ZAN: variants seen among roughly 807,000 people sequenced by gnomAD.
ZAN encodes the protein zonadhesin, also known as zonadhesin (gene/pseudogene).
A neutral mutation model predicts 286.2 loss-of-function variants in ZAN; 260 were observed. The observed-to-expected ratio is 0.91, with a 90% CI of 0.82 to 1.01. The LOEUF (loss-of-function observed/expected upper bound fraction) is 1.01. Ranked by LOEUF, ZAN falls within the 50% of genes least tolerant of loss-of-function variation. The probability of loss-of-function intolerance (pLI) is 0.00; values close to 1 mark genes in which losing one functional copy is unlikely to be tolerated. For missense variants in ZAN, 3,410 were observed against 3,639.2 expected, an observed-to-expected ratio of 0.94 and a Z score of 1.62; for synonymous variants, 1,368 against 1,417.5, an observed-to-expected ratio of 0.97 and a Z score of 0.79.
chr7:100,746,526 T>G lies in ZAN; in HGVS notation c.767-12T>G. 1 of 1,613,700 alleles carries G rather than the reference T, an allele frequency of 6.2e-7. No individual in the cohort carries two copies. Among genetic ancestry groups the G allele is most frequent in the Non-Finnish European group, 8.5e-7 (1 of 1,179,744 alleles). ...TCCATCCACCCCAGTTCCCTGGCCT[T>G]TTGCTTCACAGGTGGCTGCTACATG... On this transcript the variant is annotated splice_polypyrimidine_tract_variant and intron_variant, in intron 7 of 47. Transcript: ENST00000613979.
rs906771454 is a variant in ZAN at position 100,744,292 on chromosome 7, AAACTTT to A, written c.767-2245_767-2240del. On this transcript the variant is annotated intron_variant, in intron 7 of 47. Transcript: ENST00000613979. The stretch of plus-strand genomic sequence containing the variant: ...CTGTCTCTGATCTTTCCTGCTGCCT[AAACTTT>A]GTTTTCTAGAAGGGCCCTGGCCAGG... Among the ~76,000 whole-genome samples the A allele has an allele frequency of 2.2e-4, 33 of 150,788 alleles. 1 individual carries two copies. Among genetic ancestry groups the A allele is most frequent in the African/African-American group, 6.9e-4 (28 of 40,818 alleles).
intron 7 of ZAN, 25 bp from the exon 8 acceptor site, chr7:100,746,513 A>C (rs540138342): frequency 9.3e-6 from 15 of 1,612,892 alleles, no homozygotes; most frequent in African/African-American, 5.3e-5. Context: ...CATCCACCCC[A>C]GTTCCCTGGC....
intron 31 of ZAN, 49 bp from the exon 32 acceptor site, chr7:100,775,279 G>A: frequency 6.3e-7 from 1 of 1,593,262 alleles, no homozygotes; most frequent in South Asian, 1.1e-5. Context: ...CAGGGACCCT[G>A]TACCTGCCAG....
rs1809775453 is a variant in ZAN, at chr7:100,764,026, G to C, written c.4098-1G>C. 1 of 1,613,756 alleles carries C rather than the reference G, an allele frequency of 6.2e-7. No individual in the cohort carries two copies. Among genetic ancestry groups the C allele is most frequent in the Non-Finnish European group, 8.5e-7 (1 of 1,179,858 alleles). On this transcript the variant is annotated splice_acceptor_variant, in intron 21 of 47. Transcript: ENST00000613979. LOFTEE classifies it high-confidence loss of function. The stretch of plus-strand genomic sequence containing the variant: ...CCCCCTGACTTGGTCACTCCCCTCA[G>C]GACATGCCTGCTGCACGTGAAGGCC...
chr7:100,794,073 C>T (rs1431341326), intron 43 of ZAN, 47 bp from the exon 44 acceptor site: 3 of 1,613,538 alleles, frequency 1.9e-6, no homozygotes, highest in Non-Finnish European at 2.5e-6. Context: ...GAGAGCCAGA[C>T]CAGGGATGGA....
chr7:100,768,118 T>C (rs1810127934), intron 26 of ZAN, 107 bp downstream of exon 26: 6 of 1,343,436 alleles, frequency 4.5e-6, no homozygotes, highest in African/African-American at 1.5e-5. Flanking sequence ...ACTTGTCAAC[T>C]GACTAATTCG....
At position 100,790,923 on chromosome 7, in the gene ZAN, G is replaced by A; in HGVS notation, c.7358-19G>A. ...AAGAGTGAGGAGTCTCACTTCTGGG[G>A]ACCCCCTTCCTCCCGCAGTGATCTC... On this transcript the variant is annotated intron_variant, in intron 39 of 47. Transcript: ENST00000613979. 1.9e-6 allele frequency: 3 copies of A among 1,585,124 alleles called. No individual in the cohort carries two copies. Among genetic ancestry groups the A allele is most frequent in the Non-Finnish European group, 2.6e-6 (3 of 1,166,610 alleles).
Position 100,750,686 on chromosome 7 carries a change from G to A in ZAN, c.1311G>A (p.Leu437=), listed in dbSNP as rs776902196. ...EFSQAGQSVR[L]VSRPFCAPGD... ...CCCAGGCAGGCCAGTCAGTCAGACT[G>A]GTGAGCCGGCCCTTCTGCGCCCCAG... Residue 437 remains leucine (L), a synonymous_variant, in exon 12 of 48, where the codon CTG becomes CTA. Transcript: ENST00000613979. 4 of 1,613,342 alleles carry A rather than the reference G, an allele frequency of 2.5e-6. No individual in the cohort carries two copies. The highest frequency in any genetic ancestry group is 3.4e-6 in the Non-Finnish European group (4 of 1,179,666).
At chr7:100,738,987 C>T (rs113497946) in intron 7 of ZAN, among the ~76,000 whole-genome samples, 3,393 of 39,430 alleles carry the variant, frequency 0.086, 911 homozygotes, top group African/African-American at 0.22. Flanking sequence ...CTCCCTCTCC[C>T]TCTCCTTCTC....
In ZAN at chr7:100,750,789, C is replaced by T. The variant is rs755483962; in HGVS notation, c.1414C>T (p.Pro472Ser). 1 of 1,611,276 alleles carries T rather than the reference C, an allele frequency of 6.2e-7. No individual in the cohort carries two copies. The highest frequency in any genetic ancestry group is 1.3e-5 in the African/African-American group (1 of 74,886). Residue 472 changes from proline (P) to serine (S), a missense_variant, in exon 12 of 48, where the codon CCT becomes TCT. Pro to Ser is a moderately conservative substitution (Grantham distance 74). This residue lies in a region of ZAN where 872 missense variants were observed against 938.9 expected (regional missense o/e 0.93). Transcript: ENST00000613979. ...TATGCTCGAACTCCTCCTGGGAAGT[C>T]CTGCGGGGAGTCCCCCGATTCCTCT... is the stretch of plus-strand genomic sequence containing the variant. ...GTMLELLLGSPAGSPPIPLWK... is the reference protein window; with the variant it reads ...GTMLELLLGSSAGSPPIPLWK...
At chr7:100,783,821 T>C (rs868266125) in intron 35 of ZAN, among the ~76,000 whole-genome samples, 8 of 116,374 alleles carry the variant, frequency 6.9e-5, no homozygotes, top group African/African-American at 9.8e-5. Context: ...TATATACATA[T>C]ATATATATGT....
In ZAN at chr7:100,797,586, G is replaced by A. The variant is rs200657807; in HGVS notation, c.8376G>A (p.Thr2792=). 58 of 1,613,742 alleles carry A rather than the reference G, an allele frequency of 3.6e-5. 1 individual carries two copies. In the African/African-American group the frequency reaches 6.0e-4, roughly 17 times the overall value. Residue 2792 remains threonine (T), a synonymous_variant, in exon 47 of 48, where the codon ACG becomes ACA. Transcript: ENST00000613979. Reference sequence around the variant, plus strand: ...CCCCCATGCCTTCTAGAGAGAAAACGCAGGAGGGAGACAGACTGGCCAGGC... The same window carrying A: ...CCCCCATGCCTTCTAGAGAGAAAACACAGGAGGGAGACAGACTGGCCAGGC... ...IYRTRRKREK[T]QEGDRLARLV... is the part of the protein sequence containing the mutation.
rs1040895280 is a variant in ZAN at position 100,751,944 on chromosome 7, C to T, written c.1839C>T (p.Asn613=). The T allele has an allele frequency of 3.7e-6, 6 of 1,612,980 alleles. No homozygotes were observed. The highest frequency in any genetic ancestry group is 1.3e-5 in the African/African-American group (1 of 74,750). ...CCACCATTCCTTCAGAAAAACCCAA[C>T]ATGCCCTCAGAAAAACCCACCATTC... The part of the protein sequence containing the change: ...EKPTIPSEKP[N]MPSEKPTIPS... The change falls in exon 14 of 48, where the codon AAC becomes AAT. Residue 613 remains asparagine (N), a synonymous_variant. Coordinates refer to ENST00000613979, the MANE Select transcript of ZAN (RefSeq NM_003386.3).
Position 100,766,618 on chromosome 7 carries a change from C to A in ZAN, c.4564C>A (p.Gln1522Lys). The A allele has an allele frequency of 6.4e-7, 1 of 1,560,354 alleles. No homozygotes were observed. The highest frequency in any genetic ancestry group is 1.4e-5 in the African/African-American group (1 of 73,592). Residue 1522 changes from glutamine (Q) to lysine (K), a missense_variant, in exon 24 of 48, where the codon CAG (glutamine) becomes AAG (lysine). Around this residue, in one of 7 missense-constraint regions of ZAN, gnomAD observed 1,042 missense variants for 1,058.0 expected, o/e 0.98. Coordinates refer to ENST00000613979, the MANE Select transcript of ZAN (RefSeq NM_003386.3). ...IRCQPWRCRA[Q>K]EFCGQQDGIY... ...CTGCCAGCCCTGGAGGTGTAGGGCC[C>A]AGGAGTTCTGTGGCCAACAGGATGG...
chr7:100,787,885 G>A lies in ZAN; in HGVS notation c.6980-4G>A. ...CCCCTTCTCACTGTCTGACTTCTTGGCAGAGTCTGAACAATGCTCAGTCTA... is the reference window on the plus strand; with the variant it reads ...CCCCTTCTCACTGTCTGACTTCTTGACAGAGTCTGAACAATGCTCAGTCTA... On this transcript the variant is annotated splice_region_variant and splice_polypyrimidine_tract_variant and intron_variant, in intron 37 of 47. Coordinates refer to ENST00000613979, the MANE Select transcript of ZAN (RefSeq NM_003386.3). 2 of 1,496,680 alleles carry A rather than the reference G, an allele frequency of 1.3e-6. No individual in the cohort carries two copies. The highest frequency in any genetic ancestry group is 1.9e-5 in the Admixed American group (1 of 52,726). The allele number at this position is 1,496,680 out of a possible 1,614,324, so 92.7% of individuals were successfully genotyped here. A position where few individuals can be genotyped will look rare whatever the true frequency, so the allele number is the denominator to read the frequency against.
Position 100,767,032 on chromosome 7 carries a change from G to T in ZAN, c.4635G>T (p.Ser1545=). 4 of 1,613,750 alleles carry T rather than the reference G, an allele frequency of 2.5e-6. No individual in the cohort carries two copies. Among genetic ancestry groups the T allele is most frequent in the South Asian group, 1.1e-5 (1 of 91,054 alleles). The change falls in exon 25 of 48, where the codon TCG becomes TCT. Residue 1545 remains serine (S), a synonymous_variant. Coordinates refer to ENST00000613979, the MANE Select transcript of ZAN (RefSeq NM_003386.3). Reference sequence around the variant, plus strand: ...CAGGTGCCGCCACCTGCACAGCCTCGGGTGACCCCCACTACCTGACCTTCG... The same window carrying T: ...CAGGTGCCGCCACCTGCACAGCCTCTGGTGACCCCCACTACCTGACCTTCG... ...HAQGAATCTA[S]GDPHYLTFDG...
intron 4 of ZAN, 31 bp from the exon 5 acceptor site, chr7:100,736,778 G>A (rs1169958428): frequency 6.8e-7 from 1 of 1,460,110 alleles, no homozygotes; most frequent in Admixed American, 2.0e-5. Context: ...AGGTGGCTGG[G>A]CCTCAGTGTC....
chr7:100,772,956 C>G (rs1406033353), intron 29 of ZAN, among the ~76,000 whole-genome samples: 1 of 149,860 alleles, frequency 6.7e-6, no homozygotes, highest in East Asian at 2.0e-4. Context: ...ATTGCAACCT[C>G]TGCCTCTCAG....
At chr7:100,775,983 T>C in intron 33 of ZAN, 150 bp downstream of exon 33, 1 of 1,075,314 alleles carries the variant, frequency 9.3e-7, no homozygotes, top group Non-Finnish European at 1.3e-6. Flanking sequence ...CGCCTTTCTG[T>C]GTAGGGTGGA....
Sources: gnomAD v4.1 joint callset for allele counts (sites outside exome capture counted in the v4.1 genomes callset) on GRCh38, gnomAD v4.1.1 for gene constraint, gnomAD v4.1.1 regional missense constraint, MANE v1.5 for transcripts, NCBI Gene and HGNC (gene_info 2026-07-23, HGNC 2026-07-21) for gene names.